Variants in BAALC observed in about 807,000 individuals in gnomAD.
BAALC encodes BAALC binder of MAP3K1 and KLF4, also known as brain and acute leukemia cytoplasmic protein.
Under a neutral mutation model 15.5 loss-of-function variants are expected in BAALC, and 9 were observed. The ratio of observed to expected loss-of-function variants is 0.58; its 90% CI spans 0.35 to 1.02. The LOEUF is 1.02. Ranked by LOEUF, BAALC falls within the 50% of genes least tolerant of loss-of-function variation. The probability of loss-of-function intolerance (pLI) is 0.02; values close to 1 mark genes in which losing one functional copy is unlikely to be tolerated. For synonymous variants in BAALC, 80 were observed against 74.6 expected, an observed-to-expected ratio of 1.07 and a Z score of -0.37; for missense variants, 201 against 192.4, an observed-to-expected ratio of 1.04 and a Z score of -0.27.
intron 1 of BAALC, among the ~76,000 whole-genome samples, chr8:103,185,422 TC>T (rs1163440254): frequency 6.6e-6 from 1 of 152,248 alleles, no homozygotes; most frequent in Non-Finnish European, 1.5e-5. Flanking sequence ...CTTATGTTTA[TC>T]CCTATAATAG....
intron 1 of BAALC, among the ~76,000 whole-genome samples, chr8:103,204,795 G>T (rs1812293085): frequency 6.6e-6 from 1 of 152,178 alleles, no homozygotes; most frequent in Non-Finnish European, 1.5e-5. Flanking sequence ...ACATATTATA[G>T]TATTATACAT....
At chr8:103,188,645 T>G (rs1484911833) in intron 1 of BAALC, among the ~76,000 whole-genome samples, 2 of 152,226 alleles carry the variant, frequency 1.3e-5, no homozygotes, top group Non-Finnish European at 2.9e-5. Context: ...AAAGGAATTC[T>G]GCGAGATAAA....
At chr8:103,197,428 C>A (rs1812120492) in intron 1 of BAALC, among the ~76,000 whole-genome samples, 1 of 152,162 alleles carries the variant, frequency 6.6e-6, no homozygotes, top group South Asian at 2.1e-4. Context: ...AATTCCAACT[C>A]CATGATCTTA....
intron 1 of BAALC, among the ~76,000 whole-genome samples, chr8:103,185,500 C>G (rs755208411): frequency 6.6e-6 from 1 of 152,168 alleles, no homozygotes; most frequent in Non-Finnish European, 1.5e-5. Flanking sequence ...CATAATTTAT[C>G]AAAGTATAAA....
In BAALC at chr8:103,228,106, G is replaced by A. The variant is rs528242180; in HGVS notation, c.*7G>A. The A allele has an allele frequency of 8.2e-6, 13 of 1,583,404 alleles. No homozygotes were observed. Among genetic ancestry groups the A allele is most frequent in the African/African-American group, 2.7e-5 (2 of 74,126 alleles). The stretch of plus-strand genomic sequence containing the variant: ...AAAGAACTGTGTCAACTAGCAGAGA[G>A]TCCAAGCAGAAGGGCAGATGGACTT... On this transcript the variant is annotated 3_prime_UTR_variant, in exon 3 of 3. Coordinates refer to ENST00000309982, the MANE Select transcript of BAALC (RefSeq NM_024812.3).
At chr8:103,154,202 G>A (rs1296305583) in intron 1 of BAALC, among the ~76,000 whole-genome samples, 3 of 152,110 alleles carry the variant, frequency 2.0e-5, no homozygotes, top group African/African-American at 7.2e-5. Flanking sequence ...AGATTTATTA[G>A]CTAACTCTGT....
intron 2 of BAALC, among the ~76,000 whole-genome samples, chr8:103,226,825 T>C (rs1812816450): frequency 6.6e-6 from 1 of 152,214 alleles, no homozygotes; most frequent in African/African-American, 2.4e-5. Flanking sequence ...CATTACCTTA[T>C]TTAATCCATA....
chr8:103,226,109 G>C (rs1812802784), intron 2 of BAALC, among the ~76,000 whole-genome samples: 1 of 152,186 alleles, frequency 6.6e-6, no homozygotes, highest in African/African-American at 2.4e-5. Context: ...GTTCCCACAG[G>C]ATCTGAGGCA....
In BAALC at chr8:103,210,831, T is replaced by C. The variant is rs140512582; in HGVS notation, c.161-2088T>C. Among the ~76,000 whole-genome samples, 395 of 152,356 alleles carry C rather than the reference T, an allele frequency of 2.6e-3. 1 individual carries two copies. The highest frequency in any genetic ancestry group is 9.2e-3 in the African/African-American group (382 of 41,582). ...AGTATTTGTCAGGATTTAGGGAATA[T>C]TGCTGTCTTATATACTGTTGGCAGA... is the stretch of plus-strand genomic sequence containing the variant. On this transcript the variant is annotated intron_variant, in intron 1 of 2. Transcript: ENST00000309982.
chr8:103,208,452 G>A (rs1210562579), intron 1 of BAALC: 2 of 152,392 alleles, frequency 1.3e-5, no homozygotes, highest in Non-Finnish European at 1.5e-5. Context: ...GCTGCTGAGA[G>A]GGAAGGACTG....
At chr8:103,216,772 G>A (rs147694045) in intron 2 of BAALC, among the ~76,000 whole-genome samples, 25 of 152,296 alleles carry the variant, frequency 1.6e-4, no homozygotes, top group African/African-American at 5.5e-4. Context: ...CATTGCACCC[G>A]GCCACTACCA....
At chr8:103,181,276 TTTG>T (rs1563645630) in intron 1 of BAALC, among the ~76,000 whole-genome samples, 1 of 152,054 alleles carries the variant, frequency 6.6e-6, no homozygotes. Context: ...GAATATCTTT[TTTG>T]TTGTTGTTTT....
chr8:103,221,608 G>A (rs1033669549), intron 2 of BAALC, among the ~76,000 whole-genome samples: 5 of 152,166 alleles, frequency 3.3e-5, no homozygotes, highest in Non-Finnish European at 5.9e-5. Context: ...AGCATCACAG[G>A]CACTGAGGGA....
intron 2 of BAALC, among the ~76,000 whole-genome samples, chr8:103,223,298 C>T (rs900438977): frequency 1.3e-5 from 2 of 150,912 alleles, no homozygotes; most frequent in African/African-American, 4.9e-5. Context: ...CAGAGAGAGA[C>T]TGTCTCAAAA....
rs1812485380 is a variant in BAALC, at chr8:103,213,009, A to G, written c.251A>G (p.Glu84Gly). The G allele has an allele frequency of 9.3e-6, 15 of 1,614,162 alleles. No individual in the cohort carries two copies. The highest frequency in any genetic ancestry group is 1.3e-5 in the Non-Finnish European group (15 of 1,179,986). Residue 84 changes from glutamate (E) to glycine (G), a missense_variant, in exon 2 of 3, where the codon GAG becomes GGG. Transcript: ENST00000309982. Reference protein sequence around the residue: ...IPNPEKKTNCETQCPNPQSLS... With the variant: ...IPNPEKKTNCGTQCPNPQSLS... ...AACCCAGAGAAGAAGACGAACTGTG[A>G]GACCCAGTGCCCAAATCCCCAGAGC...
At chr8:103,226,156 T>G (rs1229596593) in intron 2 of BAALC, among the ~76,000 whole-genome samples, 2 of 152,210 alleles carry the variant, frequency 1.3e-5, no homozygotes, top group African/African-American at 4.8e-5. Flanking sequence ...GATGTCATTA[T>G]ACAGGATGTT....
At chr8:103,224,669 G>A (rs529710624) in intron 2 of BAALC, among the ~76,000 whole-genome samples, 3 of 151,974 alleles carry the variant, frequency 2.0e-5, no homozygotes, top group Non-Finnish European at 4.4e-5. Context: ...CTATCACCTG[G>A]ATCTGGAAAG....
intron 1 of BAALC, among the ~76,000 whole-genome samples, chr8:103,162,174 C>T (rs10111771): frequency 0.65 from 99,170 of 151,780 alleles, 32,920 homozygotes; most frequent in Middle Eastern, 0.71. Flanking sequence ...GTTGCCCATG[C>T]TGGTCTCCAA....
At chr8:103,183,768 G>T (rs1240391622) in intron 1 of BAALC, among the ~76,000 whole-genome samples, 1 of 152,164 alleles carries the variant, frequency 6.6e-6, no homozygotes, top group Non-Finnish European at 1.5e-5. Context: ...AGAAGTTATG[G>T]TTGTGTCACT....
Sources: allele counts gnomAD v4.1 joint callset (sites outside exome capture counted in the v4.1 genomes callset), GRCh38; gene constraint gnomAD v4.1.1; transcripts MANE v1.5; gene names NCBI Gene and HGNC (gene_info 2026-07-23, HGNC 2026-07-21).